The following CYP4A11 variants were observed in gnomAD, a reference collection of about 807,000 sequenced individuals.
CYP4A11 encodes the protein cytochrome P450 4A11.
In CYP4A11, 52 loss-of-function variants were observed where a neutral mutation model predicts 57.7. The observed-to-expected ratio is 0.90, with a 90% CI of 0.72 to 1.14. The LOEUF is 1.14. Among genes scored for constraint, CYP4A11 ranks in the 50% most tolerant of loss-of-function variants. The probability of loss-of-function intolerance (pLI) is 0.00; values close to 1 mark genes in which losing one functional copy is unlikely to be tolerated. For synonymous variants in CYP4A11, 228 were observed against 247.1 expected (o/e 0.92, Z 0.72); for missense variants, 641 against 642.1 (o/e 1.00, Z 0.02).
At position 46,933,191 on chromosome 1, in the gene CYP4A11, A is replaced by G. The variant is rs556892099; in HGVS notation, c.1223-144T>C. The G allele has an allele frequency of 1.1e-5, 13 of 1,211,240 alleles. No homozygotes were observed. In the East Asian group the frequency reaches 2.1e-4, roughly 20 times the overall value. 75.0% of individuals were successfully genotyped at this position (1,211,240 alleles called of 1,614,324 possible). A position where few individuals can be genotyped will look rare whatever the true frequency, so the allele number is the denominator to read the frequency against. ...GACTGGGATGATTCTGCCATTATGC[A>G]GGTGGGTTAGGCTTAACAAAGCATG... On this transcript the variant is annotated intron_variant, in intron 9 of 11. Transcript: ENST00000310638.
At chr1:46,931,644 T>C (rs575275559) in intron 11 of CYP4A11, 1 of 681,400 alleles carries the variant, frequency 1.5e-6, no homozygotes, top group South Asian at 6.7e-5. Context: ...GGCAGCGACA[T>C]GATTTGCAGG....
intron 1 of CYP4A11, among the ~76,000 whole-genome samples, chr1:46,939,540 G>C (rs1452010505): frequency 6.6e-6 from 1 of 152,094 alleles, no homozygotes; most frequent in Non-Finnish European, 1.5e-5. Flanking sequence ...GGGACTATTG[G>C]GTTACAAACA....
In CYP4A11 at chr1:46,940,853, AAC is replaced by A. The variant is rs755966000; in HGVS notation, c.195+384_195+385del. The A allele has an allele frequency of 1.5e-3, 1,460 of 985,232 alleles. 2 individuals are homozygous for A. The highest frequency in any genetic ancestry group is 1.7e-3 in the Non-Finnish European group (1,377 of 829,922). The allele number at this position is 985,232 out of a possible 1,614,324, so 61.0% of individuals were successfully genotyped here. On this transcript the variant is annotated intron_variant, in intron 1 of 11. Transcript: ENST00000310638. ...AGATGGGTGTCTGTGCTCCCTGGCA[AAC>A]ACAGGGCCAGGCAGAGTGATGGCAT...
intron 2 of CYP4A11, 144 bp downstream of exon 2, chr1:46,937,852 T>C (rs1681508185): frequency 5.4e-6 from 7 of 1,289,464 alleles, no homozygotes; most frequent in Non-Finnish European, 7.4e-6. Flanking sequence ...GACTATAGCC[T>C]GGGCATGGTG....
In CYP4A11 at chr1:46,938,146, A is replaced by G. The variant is rs79056865; in HGVS notation, c.196-9T>C. On this transcript the variant is annotated splice_polypyrimidine_tract_variant and intron_variant, in intron 1 of 11. Transcript: ENST00000310638. Reference sequence around the variant, plus strand: ...TCCTGGTCCTGTTGGAGCTGTCAACAAGGGTAGACAGATGAACACTTTCAT... The same window carrying G: ...TCCTGGTCCTGTTGGAGCTGTCAACGAGGGTAGACAGATGAACACTTTCAT... 3.7e-3 allele frequency: 5,944 copies of G among 1,614,140 alleles called. 145 individuals carry two copies. In the East Asian group the frequency reaches 0.063, roughly 17 times the overall value.
intron 9 of CYP4A11, among the ~76,000 whole-genome samples, chr1:46,933,428 C>G (rs1402003651): frequency 6.6e-6 from 1 of 152,166 alleles, no homozygotes; most frequent in Non-Finnish European, 1.5e-5. Context: ...ATACCTGAAT[C>G]TCAGAGAGAC....
chr1:46,938,378 G>T (rs556441157), intron 1 of CYP4A11, among the ~76,000 whole-genome samples: 1 of 152,308 alleles, frequency 6.6e-6, no homozygotes, highest in Admixed American at 6.5e-5. Flanking sequence ...TCTTCATGTT[G>T]TGTAACATCT....
At chr1:46,931,756 A>G in intron 11 of CYP4A11, 1 of 672,382 alleles carries the variant, frequency 1.5e-6, no homozygotes, top group Non-Finnish European at 1.8e-6. Context: ...GTGTAAGTGG[A>G]CTCACCGTTT....
chr1:46,937,338 A>C lies in CYP4A11; in HGVS notation c.346T>G (p.Ser116Ala), dbSNP rs762298167. The C allele has an allele frequency of 6.2e-7, 1 of 1,614,080 alleles. No individual in the cohort carries two copies. Among genetic ancestry groups the C allele is most frequent in the Non-Finnish European group, 8.5e-7 (1 of 1,179,966 alleles). The part of the protein sequence containing the change: ...KVILGRSDPK[S>A]HGSYRFLAPW... The stretch of plus-strand genomic sequence containing the variant: ...GCCAGGAATCTGTAGGAACCATGGG[A>C]TTTCGGGTCTGAAAGGCAAGAAAGG... Residue 116 changes from serine to alanine, a missense_variant, in exon 3 of 12, where the codon TCC becomes GCC. Coordinates refer to ENST00000310638, the MANE Select transcript of CYP4A11 (RefSeq NM_000778.4).
chr1:46,931,295 G>A (rs1218023062), intron 11 of CYP4A11, among the ~76,000 whole-genome samples: 3 of 152,132 alleles, frequency 2.0e-5, no homozygotes, highest in African/African-American at 7.2e-5. Context: ...TAGCATTCAC[G>A]ATTTATCCAT....
chr1:46,936,815 TTGTGTGTG>T (rs35456301), intron 3 of CYP4A11, 24 bp from the exon 4 acceptor site: 797 of 1,442,088 alleles, frequency 5.5e-4, no homozygotes, highest in South Asian at 2.1e-3. Flanking sequence ...GAATGTGTGT[TTGTGTGTG>T]TGTGTGTGTG....
chr1:46,932,666 G>A (rs1235132375), intron 11 of CYP4A11, 95 bp downstream of exon 11: 2 of 1,607,550 alleles, frequency 1.2e-6, no homozygotes, highest in Non-Finnish European at 1.7e-6. Flanking sequence ...CACACCTGAA[G>A]ATGCCACATA....
At chr1:46,932,861 G>A (rs911352009) in intron 10 of CYP4A11, 24 bp from the exon 11 acceptor site, 8 of 1,614,196 alleles carry the variant, frequency 5.0e-6, no homozygotes, top group Non-Finnish European at 5.9e-6. Flanking sequence ...ACCAGAGCCA[G>A]GATAGTTAAG....
intron 4 of CYP4A11, among the ~76,000 whole-genome samples, chr1:46,936,039 A>G (rs992237763): frequency 6.6e-6 from 1 of 152,220 alleles, no homozygotes; most frequent in Non-Finnish European, 1.5e-5. Flanking sequence ...GGAAAGTTTC[A>G]GTGCCAAAGA....
intron 1 of CYP4A11, among the ~76,000 whole-genome samples, chr1:46,938,913 G>T (rs1222936839): frequency 6.6e-6 from 1 of 152,186 alleles, no homozygotes; most frequent in Non-Finnish European, 1.5e-5. Flanking sequence ...TCACCCGTTT[G>T]TTTCAGCTCC....
chr1:46,931,741 G>T, intron 11 of CYP4A11: 1 of 657,722 alleles, frequency 1.5e-6, no homozygotes, highest in Non-Finnish European at 1.9e-6. Flanking sequence ...CTTAAAGCCT[G>T]TTCTGTGTAA....
chr1:46,932,682 A>G (rs1010147417), intron 11 of CYP4A11, 79 bp downstream of exon 11: 1 of 1,611,938 alleles, frequency 6.2e-7, no homozygotes, highest in Admixed American at 1.7e-5. Flanking sequence ...ACATATGAAC[A>G]TCAGGCTCAC....
chr1:46,931,773 G>C (rs1681044315), intron 11 of CYP4A11: 3 of 730,998 alleles, frequency 4.1e-6, no homozygotes, highest in Admixed American at 6.3e-5. Context: ...GTTTCAAAAA[G>C]TCACATAATT....
At chr1:46,940,973 C>A in intron 1 of CYP4A11, 1 of 985,314 alleles carries the variant, frequency 1.0e-6, no homozygotes, top group Non-Finnish European at 1.2e-6. Context: ...CAGGCATTGC[C>A]CTCCACATGC....
Sources: gnomAD v4.1 joint callset for allele counts (sites outside exome capture counted in the v4.1 genomes callset) on GRCh38, gnomAD v4.1.1 for gene constraint, MANE v1.5 for transcripts, NCBI Gene and HGNC (gene_info 2026-07-23, HGNC 2026-07-21) for gene names.